ARHGAP18: variants seen among roughly 807,000 people sequenced by gnomAD.
ARHGAP18 encodes rho GTPase-activating protein 18.
In ARHGAP18, 67 loss-of-function variants were observed where a neutral mutation model predicts 86.2. That is an observed-to-expected ratio of 0.78 (90% CI 0.64 to 0.95). The LOEUF (loss-of-function observed/expected upper bound fraction) is 0.95, where lower values mean the gene tolerates loss of function less well. Among genes scored for constraint, ARHGAP18 ranks in the 40% least tolerant of loss-of-function variants. The pLI is 0.00. For synonymous variants in ARHGAP18, 283 were observed against 280.4 expected (o/e 1.01, Z -0.09); for missense variants, 691 against 780.4 (o/e 0.89, Z 1.37).
intron 5 of ARHGAP18, 76 bp downstream of exon 5, chr6:129,629,277 G>A (rs1019548749): frequency 6.5e-6 from 8 of 1,223,740 alleles, no homozygotes; most frequent in African/African-American, 1.5e-5. Flanking sequence ...GTGTGCGTGT[G>A]TGTGTATGTA....
At chr6:129,609,076 A>C (rs1482981390) in intron 8 of ARHGAP18, among the ~76,000 whole-genome samples, 4 of 139,858 alleles carry the variant, frequency 2.9e-5, no homozygotes, top group African/African-American at 1.0e-4. Flanking sequence ...AAGAGGAGAG[A>C]GAGGGGGCAT....
chr6:129,579,922 A>AT (rs1412765717), intron 14 of ARHGAP18, 148 bp downstream of exon 14: 1 of 718,858 alleles, frequency 1.4e-6, no homozygotes, highest in Admixed American at 2.9e-5. Context: ...AGGTCAAACC[A>AT]TTAAAGAAAT....
chr6:129,675,611 G>A (rs1774218262), intron 1 of ARHGAP18, among the ~76,000 whole-genome samples: 1 of 152,158 alleles, frequency 6.6e-6, no homozygotes. Context: ...AACATCTCTT[G>A]CAGCACAGCC....
chr6:129,581,853 A>T (rs1788296256), intron 13 of ARHGAP18, among the ~76,000 whole-genome samples: 1 of 152,134 alleles, frequency 6.6e-6, no homozygotes, highest in South Asian at 2.1e-4. Flanking sequence ...ATATATAAAC[A>T]TTTACTCAGA....
intron 8 of ARHGAP18, among the ~76,000 whole-genome samples, chr6:129,608,477 A>C (rs545294781): frequency 1.3e-5 from 2 of 152,328 alleles, no homozygotes; most frequent in Admixed American, 1.3e-4. Flanking sequence ...AAAAATACAT[A>C]ATCAGTCTCT....
intron 1 of ARHGAP18, among the ~76,000 whole-genome samples, chr6:129,651,253 A>C (rs1301911255): frequency 2.6e-5 from 4 of 152,194 alleles, no homozygotes; most frequent in African/African-American, 9.6e-5. Context: ...CTATGTCTCC[A>C]TGATGTTACT....
At position 129,710,154 on chromosome 6, in the gene ARHGAP18, A is replaced by ACTTT. The variant is rs1228063183; in HGVS notation, c.-22_-19dup. On this transcript the variant is annotated 5_prime_UTR_variant, in exon 1 of 15. Coordinates refer to ENST00000368149, the MANE Select transcript of ARHGAP18 (RefSeq NM_033515.3). ...CAGCTCATGGTGAGAGAAGGGACAT[A>ACTTT]CTTTCTGCGATCCTGACACAGAGAA... is the stretch of plus-strand genomic sequence containing the variant. 6.3e-7 allele frequency: 1 copy of ACTTT among 1,581,496 alleles called. No individual in the cohort carries two copies. Among genetic ancestry groups the ACTTT allele is most frequent in the East Asian group, 2.2e-5 (1 of 44,668 alleles).
intron 1 of ARHGAP18, among the ~76,000 whole-genome samples, chr6:129,650,470 A>G (rs1773686432): frequency 6.6e-6 from 1 of 152,158 alleles, no homozygotes; most frequent in Admixed American, 6.5e-5. Context: ...GGTAGAAGTG[A>G]GATCTTCTTT....
Position 129,638,495 on chromosome 6 carries a change from G to T in ARHGAP18, c.451C>A (p.Arg151=), listed in dbSNP as rs922082718. The change falls in exon 3 of 15, where the codon CGA becomes AGA. Residue 151 remains arginine (R), a synonymous_variant. Transcript: ENST00000368149. ...TRTQAAAVQK[R]VETVSQTLRK... ...AAGGTCTGGGAGACCGTCTCTACTCGCTTCTGAACTGCTGCTGCCTGGGTC... is the reference window on the plus strand; with the variant it reads ...AAGGTCTGGGAGACCGTCTCTACTCTCTTCTGAACTGCTGCTGCCTGGGTC... 5 of 1,613,946 alleles carry T rather than the reference G, an allele frequency of 3.1e-6. No homozygotes were observed. Among genetic ancestry groups the T allele is most frequent in the Non-Finnish European group, 4.2e-6 (5 of 1,180,000 alleles).
intron 1 of ARHGAP18, among the ~76,000 whole-genome samples, chr6:129,685,336 A>G (rs1481818132): frequency 6.6e-6 from 1 of 152,062 alleles, no homozygotes; most frequent in African/African-American, 2.4e-5. Flanking sequence ...GTAAAAACTC[A>G]TCTCTACTAA....
At chr6:129,701,494 G>A (rs111817261) in intron 1 of ARHGAP18, among the ~76,000 whole-genome samples, 1 of 152,192 alleles carries the variant, frequency 6.6e-6, no homozygotes. Flanking sequence ...AATTAAGGCC[G>A]GGCGCGGTGG....
At chr6:129,629,253 A>C (rs200573268) in intron 5 of ARHGAP18, 100 bp downstream of exon 5, 14,064 of 936,270 alleles carry the variant, frequency 0.015, 714 homozygotes, top group African/African-American at 0.14. Context: ...CTCTCTATAT[A>C]TATATATATG....
intron 4 of ARHGAP18, among the ~76,000 whole-genome samples, chr6:129,632,514 C>G (rs1201879798): frequency 1.3e-5 from 2 of 152,116 alleles, no homozygotes; most frequent in Non-Finnish European, 2.9e-5. Context: ...GTCACTCTTC[C>G]CCAGAGCCCA....
intron 2 of ARHGAP18, among the ~76,000 whole-genome samples, chr6:129,638,928 G>T (rs911622190): frequency 1.3e-5 from 2 of 152,112 alleles, no homozygotes; most frequent in Non-Finnish European, 2.9e-5. Context: ...GATAAGCAAA[G>T]AATAAAAAGA....
At chr6:129,686,939 G>A (rs1402698549) in intron 1 of ARHGAP18, among the ~76,000 whole-genome samples, 3 of 150,192 alleles carry the variant, frequency 2.0e-5, no homozygotes, top group Non-Finnish European at 4.4e-5. Context: ...TACAGGCACC[G>A]GCCACCACAC....
intron 1 of ARHGAP18, among the ~76,000 whole-genome samples, chr6:129,659,568 A>G (rs1773909195): frequency 6.6e-6 from 1 of 152,114 alleles, no homozygotes; most frequent in South Asian, 2.1e-4. Context: ...CCTGGGTTCA[A>G]GTGATTCTCC....
Position 129,704,360 on chromosome 6 carries a change from G to A in ARHGAP18, c.113+5664C>T, listed in dbSNP as rs532094103. Among the ~76,000 whole-genome samples the A allele has an allele frequency of 9.4e-4, 143 of 152,134 alleles. No individual in the cohort carries two copies. The Middle Eastern group carries it at 0.017, about 18-fold the overall frequency. On this transcript the variant is annotated intron_variant, in intron 1 of 14. Transcript: ENST00000368149. ...CTGGGGAGCCTGAGGCATGAGAATC[G>A]CTTGAACCTGGGAGGTGGAGGCTGC...
At chr6:129,643,163 T>C (rs960034714) in intron 1 of ARHGAP18, among the ~76,000 whole-genome samples, 2 of 152,152 alleles carry the variant, frequency 1.3e-5, no homozygotes, top group African/African-American at 4.8e-5. Flanking sequence ...CATGCCCGAT[T>C]CCTTAAAAGA....
Position 129,577,150 on chromosome 6 carries a change from G to T in ARHGAP18, c.*1363C>A, listed in dbSNP as rs935112140. On this transcript the variant is annotated 3_prime_UTR_variant, in exon 15 of 15. Coordinates refer to ENST00000368149, the MANE Select transcript of ARHGAP18 (RefSeq NM_033515.3). Reference sequence around the variant, plus strand: ...TTTTCTTTTAAATAAAAAAGCAATGGCACGAATCACCACAAAATCATTTAA... The same window carrying T: ...TTTTCTTTTAAATAAAAAAGCAATGTCACGAATCACCACAAAATCATTTAA... 6 of 151,966 alleles carry T rather than the reference G, an allele frequency of 3.9e-5. No individual in the cohort carries two copies. The highest frequency in any genetic ancestry group is 8.8e-5 in the Non-Finnish European group (6 of 67,956). 9.4% of individuals were successfully genotyped at this position (151,966 alleles called of 1,614,324 possible).
Sources: gnomAD v4.1 joint callset for allele counts (sites outside exome capture counted in the v4.1 genomes callset) on GRCh38, gnomAD v4.1.1 for gene constraint, MANE v1.5 for transcripts, NCBI Gene and HGNC (gene_info 2026-07-23, HGNC 2026-07-21) for gene names.